TRAPPC3L: variants seen among roughly 807,000 people sequenced by gnomAD.
TRAPPC3L encodes trafficking protein particle complex subunit 3L, also known as trafficking protein particle complex subunit 3-like protein.
A neutral mutation model predicts 23.7 loss-of-function variants in TRAPPC3L; 23 were observed. The ratio of observed to expected loss-of-function variants is 0.97; its 90% CI spans 0.70 to 1.37. The LOEUF is 1.37. Among genes scored for constraint, TRAPPC3L ranks in the 40% most tolerant of loss-of-function variants. TRAPPC3L has a pLI of 0.00. For missense variants in TRAPPC3L, 212 were observed against 216.8 expected, an observed-to-expected ratio of 0.98 and a Z score of 0.14; for synonymous variants, 81 against 77.9, an observed-to-expected ratio of 1.04 and a Z score of -0.21.
chr6:116,505,992 G>T (rs560894900), intron 3 of TRAPPC3L, among the ~76,000 whole-genome samples: 1 of 152,048 alleles, frequency 6.6e-6, no homozygotes, highest in Non-Finnish European at 1.5e-5. Context: ...CAAAAGCAAC[G>T]GCAACAAAAG....
intron 1 of TRAPPC3L, 38 bp from the exon 2 acceptor site, chr6:116,543,438 T>C: frequency 6.9e-7 from 1 of 1,455,940 alleles, no homozygotes; most frequent in Non-Finnish European, 9.4e-7. Context: ...ATAGGCAAGT[T>C]ATGACAGTAT....
At position 116,506,599 on chromosome 6, in the gene TRAPPC3L, G is replaced by T. The variant is rs559223756; in HGVS notation, c.241-5933C>A. Reference sequence around the variant, plus strand: ...TTATGGCACTATTCACAATAGCAAAGACTTGGAACCAACCCAAACGTCCAT... The same window carrying T: ...TTATGGCACTATTCACAATAGCAAATACTTGGAACCAACCCAAACGTCCAT... On this transcript the variant is annotated intron_variant, in intron 3 of 4. Transcript: ENST00000368602. 1.7e-4 allele frequency among the ~76,000 whole-genome samples: 26 copies of T among 152,266 alleles called. 2 individuals are homozygous for T. In the South Asian group the frequency reaches 5.2e-3, roughly 30 times the overall value.
Position 116,500,544 on chromosome 6 carries a change from A to T in TRAPPC3L, c.363T>A (p.Ala121=). Reference sequence around the variant, plus strand: ...TGCAGTAGCACAGAGAAGATCGCCCAGCAGGGAGCTCTTCCACAAACTCCA... The same window carrying T: ...TGCAGTAGCACAGAGAAGATCGCCCTGCAGGGAGCTCTTCCACAAACTCCA... ...PLVEFVEELP[A]GRSSLCYCNL... The change falls in exon 4 of 5, where the codon GCT becomes GCA. Residue 121 remains alanine (A), a synonymous_variant. Coordinates refer to ENST00000368602, the MANE Select transcript of TRAPPC3L (RefSeq NM_001139444.3). 6.4e-7 allele frequency: 1 copy of T among 1,551,706 alleles called. No homozygotes were observed. The highest frequency in any genetic ancestry group is 1.4e-5 in the African/African-American group (1 of 73,184).
At chr6:116,501,119 A>G (rs1562335783) in intron 3 of TRAPPC3L, among the ~76,000 whole-genome samples, 1 of 152,160 alleles carries the variant, frequency 6.6e-6, no homozygotes, top group Non-Finnish European at 1.5e-5. Flanking sequence ...ACTTGGAGGA[A>G]CTGTACACTT....
intron 4 of TRAPPC3L, among the ~76,000 whole-genome samples, chr6:116,500,213 C>A (rs1422616880): frequency 6.6e-6 from 1 of 152,190 alleles, no homozygotes; most frequent in Non-Finnish European, 1.5e-5. Flanking sequence ...GCAGCCCTGG[C>A]CAGCAGCTTG....
chr6:116,497,753 C>A (rs1382115011), intron 4 of TRAPPC3L, among the ~76,000 whole-genome samples: 2 of 151,978 alleles, frequency 1.3e-5, no homozygotes, highest in African/African-American at 2.4e-5. Flanking sequence ...GCTGACCTAC[C>A]CCCAATAGTG....
intron 4 of TRAPPC3L, among the ~76,000 whole-genome samples, chr6:116,497,391 G>A (rs1036951232): frequency 6.6e-5 from 10 of 152,132 alleles, no homozygotes; most frequent in African/African-American, 2.2e-4. Context: ...TTCCCAGCTC[G>A]GGGATAGCCT....
At chr6:116,510,448 A>AT (rs34882629) in intron 3 of TRAPPC3L, among the ~76,000 whole-genome samples, 65,102 of 150,544 alleles carry the variant, frequency 0.43, 14,898 homozygotes, top group Middle Eastern at 0.59. Context: ...AGCCTGGCTA[A>AT]TTTTTTTTTG....
chr6:116,536,695 T>C (rs1387317261), intron 3 of TRAPPC3L, among the ~76,000 whole-genome samples: 1 of 152,162 alleles, frequency 6.6e-6, no homozygotes, highest in African/African-American at 2.4e-5. Flanking sequence ...GCTCAGTACT[T>C]GAGACGGATG....
At chr6:116,536,103 T>C (rs1399644416) in intron 3 of TRAPPC3L, among the ~76,000 whole-genome samples, 2 of 152,348 alleles carry the variant, frequency 1.3e-5, no homozygotes, top group East Asian at 1.9e-4. Context: ...TAAATTAGTA[T>C]GTCTTATTTA....
chr6:116,507,146 T>A (rs1197012440), intron 3 of TRAPPC3L, among the ~76,000 whole-genome samples: 1 of 152,202 alleles, frequency 6.6e-6, no homozygotes, highest in Non-Finnish European at 1.5e-5. Flanking sequence ...AAAAGATATA[T>A]ATCCTTTAGG....
rs1393832924 is a variant in TRAPPC3L, at chr6:116,495,463, T to C, written c.*1491A>G. On this transcript the variant is annotated 3_prime_UTR_variant, in exon 5 of 5. Coordinates refer to ENST00000368602, the MANE Select transcript of TRAPPC3L (RefSeq NM_001139444.3). Reference sequence around the variant, plus strand: ...CCAAATCTTAGCTATCGTCAGTAGTTCTGCAGTAAACATGGGAGTGCAGAT... The same window carrying C: ...CCAAATCTTAGCTATCGTCAGTAGTCCTGCAGTAAACATGGGAGTGCAGAT... The C allele has an allele frequency of 6.6e-6, 1 of 152,192 alleles. No homozygotes were observed. 9.4% of individuals were successfully genotyped at this position (152,192 alleles called of 1,614,324 possible).
intron 4 of TRAPPC3L, among the ~76,000 whole-genome samples, chr6:116,500,252 T>C (rs1352867319): frequency 6.6e-6 from 1 of 152,222 alleles, no homozygotes; most frequent in African/African-American, 2.4e-5. Context: ...CATGAAAGAC[T>C]CTGAATGACA....
chr6:116,525,053 C>G lies in TRAPPC3L; in HGVS notation c.240+15310G>C, dbSNP rs948275581. ...TTAAGTTATTGAACATCAATTTGGA[C>G]CTACATGTGTCTAATCCTAATTTCC... is the stretch of plus-strand genomic sequence containing the variant. On this transcript the variant is annotated intron_variant, in intron 3 of 4. Transcript: ENST00000368602. Among the ~76,000 whole-genome samples the G allele has an allele frequency of 2.0e-5, 3 of 152,270 alleles. No homozygotes were observed. The East Asian group carries it at 5.8e-4, about 29-fold the overall frequency.
intron 3 of TRAPPC3L, among the ~76,000 whole-genome samples, chr6:116,534,798 C>A (rs1772970713): frequency 6.6e-6 from 1 of 151,992 alleles, no homozygotes; most frequent in Non-Finnish European, 1.5e-5. Context: ...AAGAAAAGTT[C>A]TCTTCTTTTG....
intron 3 of TRAPPC3L, among the ~76,000 whole-genome samples, chr6:116,501,583 A>T (rs921916141): frequency 1.3e-5 from 2 of 152,198 alleles, no homozygotes; most frequent in East Asian, 1.9e-4. Context: ...CATGACCCCC[A>T]TGTAGCCTGA....
intron 3 of TRAPPC3L, among the ~76,000 whole-genome samples, chr6:116,508,611 C>T (rs1389083802): frequency 6.6e-6 from 1 of 152,134 alleles, no homozygotes; most frequent in Non-Finnish European, 1.5e-5. Flanking sequence ...GAGGACTCTT[C>T]TCATTTTGAC....
chr6:116,519,206 A>G (rs2115172038), intron 3 of TRAPPC3L: 1 of 152,326 alleles, frequency 6.6e-6, no homozygotes, highest in Non-Finnish European at 1.5e-5. Flanking sequence ...TGTATACATG[A>G]TTTATTAAAA....
At chr6:116,539,298 C>A (rs1455866714) in intron 3 of TRAPPC3L, among the ~76,000 whole-genome samples, 1 of 152,092 alleles carries the variant, frequency 6.6e-6, no homozygotes, top group Non-Finnish European at 1.5e-5. Flanking sequence ...TTTTCCCCAG[C>A]CTGGTTAGTG....
Sources: allele counts gnomAD v4.1 joint callset (sites outside exome capture counted in the v4.1 genomes callset), GRCh38; gene constraint gnomAD v4.1.1; transcripts MANE v1.5; gene names NCBI Gene and HGNC (gene_info 2026-07-23, HGNC 2026-07-21).